The following DDX10 variants were observed in gnomAD, a reference collection of about 807,000 sequenced individuals.
DDX10 encodes DEAD-box helicase 10.
DDX10 carries 74 observed loss-of-function variants against 104.3 expected under a neutral mutation model. That is an observed-to-expected ratio of 0.71 (90% CI 0.59 to 0.86). DDX10 has a LOEUF of 0.86. Ranked by LOEUF, DDX10 falls within the 40% of genes least tolerant of loss-of-function variation. The pLI is 0.00. For synonymous variants in DDX10, 351 were observed against 353.4 expected (o/e 0.99, Z 0.08); for missense variants, 952 against 1,040.0 (o/e 0.92, Z 1.16).
At chr11:108,803,330 A>G (rs915921821) in intron 13 of DDX10, among the ~76,000 whole-genome samples, 1 of 151,298 alleles carries the variant, frequency 6.6e-6, no homozygotes, top group Admixed American at 6.6e-5. Context: ...ACGGCGGCTC[A>G]CGCCTGTAAT....
intron 13 of DDX10, among the ~76,000 whole-genome samples, chr11:108,783,312 G>A (rs950995418): frequency 6.6e-6 from 1 of 152,102 alleles, no homozygotes; most frequent in African/African-American, 2.4e-5. Flanking sequence ...ATTAGTTTTA[G>A]CAATGAGGGA....
chr11:108,691,446 GT>G (rs1444571451), intron 7 of DDX10, among the ~76,000 whole-genome samples: 1 of 152,060 alleles, frequency 6.6e-6, no homozygotes, highest in Non-Finnish European at 1.5e-5. Context: ...TATTTACAAT[GT>G]TTTTATTTAT....
At chr11:108,882,660 T>G (rs1303016961) in intron 16 of DDX10, among the ~76,000 whole-genome samples, 1 of 152,212 alleles carries the variant, frequency 6.6e-6, no homozygotes, top group African/African-American at 2.4e-5. Context: ...TCAAATTTAT[T>G]TATTTTCATT....
intron 13 of DDX10, among the ~76,000 whole-genome samples, chr11:108,751,795 A>C (rs148130451): frequency 6.6e-6 from 1 of 152,232 alleles, no homozygotes; most frequent in Admixed American, 6.5e-5. Context: ...TGGCAAGTCA[A>C]TCTTCAGTTT....
intron 13 of DDX10, among the ~76,000 whole-genome samples, chr11:108,725,322 G>A (rs1795796722): frequency 6.6e-6 from 1 of 151,950 alleles, no homozygotes. Flanking sequence ...GAAACGAGTG[G>A]GGTTATTTTC....
intron 16 of DDX10, among the ~76,000 whole-genome samples, chr11:108,908,114 ATTTC>A (rs1863621134): frequency 6.6e-6 from 1 of 152,176 alleles, no homozygotes; most frequent in African/African-American, 2.4e-5. Flanking sequence ...AAAAATTTTA[ATTTC>A]TTCTCTAAAT....
chr11:108,736,336 C>G (rs1464601440), intron 13 of DDX10, among the ~76,000 whole-genome samples: 1 of 151,932 alleles, frequency 6.6e-6, no homozygotes, highest in Non-Finnish European at 1.5e-5. Flanking sequence ...GTATTCGTAA[C>G]ATAGTGAATG....
chr11:108,702,249 C>G (rs944379620), intron 9 of DDX10, among the ~76,000 whole-genome samples: 1 of 152,124 alleles, frequency 6.6e-6, no homozygotes, highest in Admixed American at 6.6e-5. Context: ...TGTACAGATT[C>G]TAGACAATAA....
chr11:108,851,174 A>T (rs1234579579), intron 15 of DDX10, among the ~76,000 whole-genome samples: 1 of 152,234 alleles, frequency 6.6e-6, no homozygotes, highest in East Asian at 1.9e-4. Flanking sequence ...ATAACATAAA[A>T]TATAGTTATA....
intron 13 of DDX10, among the ~76,000 whole-genome samples, chr11:108,807,066 A>G (rs569879046): frequency 2.0e-5 from 3 of 152,356 alleles, no homozygotes; most frequent in African/African-American, 7.2e-5. Context: ...TAGGCAAGCA[A>G]TAGCTTGGAC....
chr11:108,788,048 T>C (rs1276902162), intron 13 of DDX10, among the ~76,000 whole-genome samples: 1 of 152,268 alleles, frequency 6.6e-6, no homozygotes, highest in African/African-American at 2.4e-5. Context: ...ATTGTTTTAC[T>C]GTATTCCTTG....
intron 13 of DDX10, among the ~76,000 whole-genome samples, chr11:108,743,041 A>G (rs114320398): frequency 0.012 from 1,788 of 152,324 alleles, 38 homozygotes; most frequent in African/African-American, 0.041. Context: ...TGAGGCCAGT[A>G]TCATCCTGAT....
chr11:108,696,605 G>A (rs1333192425), intron 9 of DDX10, among the ~76,000 whole-genome samples: 1 of 152,128 alleles, frequency 6.6e-6, no homozygotes, highest in Non-Finnish European at 1.5e-5. Context: ...ACATGTACCT[G>A]TGCACATATC....
intron 13 of DDX10, among the ~76,000 whole-genome samples, chr11:108,773,261 G>C (rs1055110630): frequency 2.0e-5 from 3 of 152,266 alleles, no homozygotes; most frequent in African/African-American, 7.2e-5. Flanking sequence ...CTACATGTAA[G>C]AGTAAATCTT....
chr11:108,844,439 A>G (rs774552966), intron 15 of DDX10, among the ~76,000 whole-genome samples: 2 of 152,224 alleles, frequency 1.3e-5, no homozygotes, highest in African/African-American at 2.4e-5. Flanking sequence ...GTTTACTACA[A>G]TAGCATACAT....
intron 13 of DDX10, among the ~76,000 whole-genome samples, chr11:108,734,245 TG>T (rs2094315730): frequency 1.3e-5 from 2 of 152,188 alleles, no homozygotes; most frequent in Admixed American, 6.5e-5. Flanking sequence ...TCAAGACTAC[TG>T]TACTCCGAAT....
intron 13 of DDX10, among the ~76,000 whole-genome samples, chr11:108,773,814 G>A (rs145658870): frequency 1.3e-5 from 2 of 152,256 alleles, no homozygotes; most frequent in African/African-American, 2.4e-5. Flanking sequence ...TCATTTAATT[G>A]CTTTGGAGTG....
At chr11:108,705,483 T>G (rs751878842) in intron 9 of DDX10, among the ~76,000 whole-genome samples, 3 of 152,232 alleles carry the variant, frequency 2.0e-5, no homozygotes, top group Non-Finnish European at 4.4e-5. Flanking sequence ...TGCCCATGGT[T>G]GTCCTTTAGC....
intron 13 of DDX10, among the ~76,000 whole-genome samples, chr11:108,727,223 C>A (rs549084728): frequency 1.3e-5 from 2 of 151,896 alleles, no homozygotes; most frequent in Non-Finnish European, 2.9e-5. Flanking sequence ...TTGATCGTTG[C>A]CCTACTAGCG....
Sources: gnomAD v4.1 joint callset for allele counts (sites outside exome capture counted in the v4.1 genomes callset) on GRCh38, gnomAD v4.1.1 for gene constraint, MANE v1.5 for transcripts, NCBI Gene and HGNC (gene_info 2026-07-23, HGNC 2026-07-21) for gene names.